Variants in NYAP2 observed in about 807,000 individuals in gnomAD.
NYAP2 encodes neuronal tyrosine-phosphorylated phosphoinositide-3-kinase adapter 2.
Under a neutral mutation model 50.4 loss-of-function variants are expected in NYAP2, and 23 were observed. The observed-to-expected ratio is 0.46, with a 90% CI of 0.33 to 0.65. The LOEUF (loss-of-function observed/expected upper bound fraction) is 0.65. Among genes scored for constraint, NYAP2 ranks in the 30% least tolerant of loss-of-function variants. NYAP2 has a pLI of 0.02. For synonymous variants in NYAP2, 394 were observed against 365.2 expected (o/e 1.08, Z -0.90); for missense variants, 885 against 861.0 (o/e 1.03, Z -0.35).
chr2:225,458,944 C>T (rs1025577207), intron 3 of NYAP2, among the ~76,000 whole-genome samples: 3 of 152,166 alleles, frequency 2.0e-5, no homozygotes, highest in African/African-American at 7.2e-5. Context: ...TTTGCTTAAA[C>T]TTTTCATTGG....
chr2:225,703,256 A>G, the NYAP2 span: 5 of 151,904 alleles, frequency 3.3e-5, no homozygotes, highest in South Asian at 1.0e-3. Context: ...CAGGGTTTTT[A>G]AAGAAAACCA....
At position 225,582,342 on chromosome 2, in the gene NYAP2, G is replaced by T. The variant is rs770815459; in HGVS notation, c.925G>T (p.Ala309Ser). Reference sequence around the variant, plus strand: ...GGTGCCTGACTTGGACTTCGCCAAGGCCTCAGTGCCATGCCCCCCCAAGGG... The same window carrying T: ...GGTGCCTGACTTGGACTTCGCCAAGTCCTCAGTGCCATGCCCCCCCAAGGG... Residue 309 changes from alanine to serine, a missense_variant, in exon 5 of 7, where the codon GCC becomes TCC. Ala to Ser is a moderately conservative substitution (Grantham distance 99). Coordinates refer to ENST00000636099, the Ensembl canonical transcript of NYAP2. The surrounding 1 kb of genome is among the most constrained non-coding windows in gnomAD (Gnocchi z 7.0). The T allele has an allele frequency of 3.7e-6, 6 of 1,613,844 alleles. No individual in the cohort carries two copies. The highest frequency in any genetic ancestry group is 3.3e-5 in the South Asian group (3 of 91,082).
chr2:225,525,239 C>T (rs1277113733), intron 4 of NYAP2, among the ~76,000 whole-genome samples: 1 of 152,124 alleles, frequency 6.6e-6, no homozygotes, highest in African/African-American at 2.4e-5. Flanking sequence ...AGGTATATAC[C>T]CAAAGGGAAA....
intron 4 of NYAP2, among the ~76,000 whole-genome samples, chr2:225,528,945 G>T (rs190824045): frequency 1.3e-5 from 2 of 152,338 alleles, no homozygotes; most frequent in Non-Finnish European, 2.9e-5. Flanking sequence ...GTCTGCAGAC[G>T]AAGTGGAGAA....
chr2:225,657,278 T>G (rs1693844746), downstream of NYAP2, among the ~76,000 whole-genome samples: 1 of 151,840 alleles, frequency 6.6e-6, no homozygotes, highest in Non-Finnish European at 1.5e-5. Context: ...CCAGGCTAAA[T>G]TTTTTGTATT....
intron 3 of NYAP2, among the ~76,000 whole-genome samples, chr2:225,496,908 A>G (rs1342484343): frequency 1.3e-5 from 2 of 152,162 alleles, no homozygotes; most frequent in African/African-American, 4.8e-5. Flanking sequence ...CTCCATTGTA[A>G]TGGAGAATTT....
At chr2:225,412,011 A>T (rs1005730895) in intron 3 of NYAP2, among the ~76,000 whole-genome samples, 4 of 149,000 alleles carry the variant, frequency 2.7e-5, no homozygotes, top group Middle Eastern at 7.1e-3. Context: ...TAATAATATT[A>T]TATTATCATT....
At chr2:225,571,476 G>A (rs935117832) in intron 4 of NYAP2, among the ~76,000 whole-genome samples, 17 of 152,148 alleles carry the variant, frequency 1.1e-4, no homozygotes, top group Non-Finnish European at 1.6e-4. Flanking sequence ...CCCAACTCTC[G>A]ACTTCTGTGC....
intron 3 of NYAP2, among the ~76,000 whole-genome samples, chr2:225,502,476 C>T (rs1033814970): frequency 5.3e-5 from 8 of 152,214 alleles, no homozygotes; most frequent in Admixed American, 5.2e-4. Context: ...TATTCCCAAA[C>T]ATATATGTAT....
intron 4 of NYAP2, among the ~76,000 whole-genome samples, chr2:225,575,977 T>C (rs1017161104): frequency 7.2e-5 from 11 of 152,238 alleles, no homozygotes. Context: ...AAATGCTGGT[T>C]ACAAACTCTA....
intron 6 of NYAP2, among the ~76,000 whole-genome samples, chr2:225,642,962 A>C (rs1693558440): frequency 1.3e-5 from 2 of 152,198 alleles, no homozygotes; most frequent in Admixed American, 6.6e-5. Flanking sequence ...GTTATGCATA[A>C]TTCTATCAAC....
At chr2:225,608,814 G>T (rs908342270) in intron 5 of NYAP2, among the ~76,000 whole-genome samples, 1 of 152,062 alleles carries the variant, frequency 6.6e-6, no homozygotes, top group South Asian at 2.1e-4. Context: ...CCATACATGT[G>T]AATAAATGTG....
chr2:225,460,428 T>C (rs1210843589), intron 3 of NYAP2, among the ~76,000 whole-genome samples: 1 of 152,208 alleles, frequency 6.6e-6, no homozygotes, highest in African/African-American at 2.4e-5. Flanking sequence ...CAAAATAAAG[T>C]CACATTTGGT....
chr2:225,566,254 C>T (rs562101367), intron 4 of NYAP2, among the ~76,000 whole-genome samples: 89 of 152,288 alleles, frequency 5.8e-4, no homozygotes, highest in African/African-American at 2.0e-3. Flanking sequence ...GAAATGTTAG[C>T]ACACAACTTC....
chr2:225,632,320 C>A lies in NYAP2; in HGVS notation c.1828+5194C>A, dbSNP rs370242988. Among the ~76,000 whole-genome samples the A allele has an allele frequency of 3.3e-4, 50 of 152,252 alleles. No individual in the cohort carries two copies. In the South Asian group the frequency reaches 0.01, roughly 31 times the overall value. Reference sequence around the variant, plus strand: ...CCTGGGTACTCAACTTCCTACCTCACACTAGAGAGGAAAGAAGATTCTACT... The same window carrying A: ...CCTGGGTACTCAACTTCCTACCTCAAACTAGAGAGGAAAGAAGATTCTACT... On this transcript the variant is annotated intron_variant, in intron 6 of 6. Coordinates refer to ENST00000636099, the Ensembl canonical transcript of NYAP2.
chr2:225,566,078 A>G (rs755381833), intron 4 of NYAP2, among the ~76,000 whole-genome samples: 17 of 152,212 alleles, frequency 1.1e-4, no homozygotes, highest in Non-Finnish European at 2.2e-4. Flanking sequence ...TCTGTAAAAC[A>G]GAGTTTATAA....
intron 5 of NYAP2, among the ~76,000 whole-genome samples, chr2:225,591,611 T>G (rs1336844603): frequency 6.6e-6 from 1 of 152,152 alleles, no homozygotes; most frequent in East Asian, 1.9e-4. Flanking sequence ...AGCAGTACTC[T>G]GAGGCATGTG....
Position 225,493,368 on chromosome 2 carries a change from T to A in NYAP2, c.222-20003T>A, listed in dbSNP as rs1030691536. 1.4e-4 allele frequency among the ~76,000 whole-genome samples: 21 copies of A among 152,210 alleles called. 1 individual carries two copies. The highest frequency in any genetic ancestry group is 1.5e-4 in the Non-Finnish European group (10 of 68,036). On this transcript the variant is annotated intron_variant, in intron 3 of 6. Coordinates refer to ENST00000636099, the Ensembl canonical transcript of NYAP2. ...ACGTTAGTGAATAGTGATGTTGCCA[T>A]TCACTGCCTCAGCAAGAAGCATGGC...
At chr2:225,691,918 C>T in the NYAP2 span, among the ~76,000 whole-genome samples, 34 of 152,126 alleles carry the variant, frequency 2.2e-4, no homozygotes, top group South Asian at 6.2e-4. Flanking sequence ...CTCACACAAC[C>T]GGCAATGCAG....
Sources: gnomAD v4.1 joint callset for allele counts (sites outside exome capture counted in the v4.1 genomes callset) on GRCh38, gnomAD v4.1.1 for gene constraint, Gnocchi (gnomAD v3.1) non-coding constraint, MANE v1.5 for transcripts, NCBI Gene and HGNC (gene_info 2026-07-23, HGNC 2026-07-21) for gene names.